GPRIN2: variants seen among roughly 807,000 people sequenced by gnomAD.
The protein encoded by GPRIN2 is G protein-regulated inducer of neurite outgrowth 2.
Under a neutral mutation model 0.3 loss-of-function variants are expected in GPRIN2, and 1 was observed. That is an observed-to-expected ratio of 3.90 (90% CI 1.39 to 18.51). The LOEUF (loss-of-function observed/expected upper bound fraction) is 18.51, where lower values mean the gene tolerates loss of function less well. GPRIN2 is among the 30% of genes most tolerant of loss of function. The probability of loss-of-function intolerance (pLI) is 0.11; values close to 1 mark genes in which losing one functional copy is unlikely to be tolerated. For synonymous variants in GPRIN2, 361 were observed against 258.6 expected, an observed-to-expected ratio of 1.40 and a Z score of -3.80; for missense variants, 880 against 604.2, an observed-to-expected ratio of 1.46 and a Z score of -4.79.
Position 46,548,959 on chromosome 10 carries a change from A to C in GPRIN2, c.*401T>G, listed in dbSNP as rs74129264. 4.3e-6 allele frequency: 1 copy of C among 233,214 alleles called. No homozygotes were observed. The highest frequency in any genetic ancestry group is 2.3e-5 in the African/African-American group (1 of 43,990). The allele number at this position is 233,214 out of a possible 1,614,324, so 14.4% of individuals were successfully genotyped here. ...CCCTGTCACTGGGGCCTCACATTTC[A>C]TGTCGAGAATTCACTATTTCTCAGC... is the stretch of plus-strand genomic sequence containing the variant. On this transcript the variant is annotated 3_prime_UTR_variant, in exon 3 of 3. Coordinates refer to ENST00000374314, the MANE Select transcript of GPRIN2 (RefSeq NM_001385282.1).
At chr10:46,551,756 C>T (rs958514523) in intron 2 of GPRIN2, among the ~76,000 whole-genome samples, 2 of 152,300 alleles carry the variant, frequency 1.3e-5, no homozygotes, top group Admixed American at 6.5e-5. Context: ...CAGCTGCAGC[C>T]TAGAGCCAGT....
rs2131621782 is a variant in GPRIN2 at position 46,542,320 on chromosome 10, C to G, written c.*7040G>C. Among the ~76,000 whole-genome samples the G allele has an allele frequency of 1.3e-4, 20 of 152,424 alleles. No individual in the cohort carries two copies. Among genetic ancestry groups the G allele is most frequent in the African/African-American group, 4.6e-4 (19 of 41,604 alleles). On this transcript the variant is annotated 3_prime_UTR_variant, in exon 3 of 3. Coordinates refer to ENST00000374314, the MANE Select transcript of GPRIN2 (RefSeq NM_001385282.1). ...AGGGTGATATGCTTTGGCTGTGTCC[C>G]CACCCAAAATCTCATCTTGAATTGT...
At chr10:46,551,176 C>T (rs1832207521) in intron 2 of GPRIN2, among the ~76,000 whole-genome samples, 12 of 152,414 alleles carry the variant, frequency 7.9e-5, no homozygotes, top group African/African-American at 2.9e-4. Flanking sequence ...GCACTATGGC[C>T]TCTTAACGGG....
At chr10:46,552,749 C>G (rs1842754237) in intron 2 of GPRIN2, among the ~76,000 whole-genome samples, 1 of 152,308 alleles carries the variant, frequency 6.6e-6, no homozygotes, top group African/African-American at 2.4e-5. Context: ...TTGAATCTAA[C>G]TGGCCACATG....
At position 46,543,777 on chromosome 10, in the gene GPRIN2, T is replaced by G. The variant is rs992260984; in HGVS notation, c.*5583A>C. ...GGATATCCACTTGGGGAGCTCGTAT[T>G]TTGGGGCCAGACCTTCCTCCTTGCT... On this transcript the variant is annotated 3_prime_UTR_variant, in exon 3 of 3. Transcript: ENST00000374314. 6.6e-6 allele frequency among the ~76,000 whole-genome samples: 1 copy of G among 152,310 alleles called. No homozygotes were observed. Among genetic ancestry groups the G allele is most frequent in the Admixed American group, 6.5e-5 (1 of 15,292 alleles).
Position 46,542,691 on chromosome 10 carries a change from T to C in GPRIN2, c.*6669A>G, listed in dbSNP as rs1250795057. On this transcript the variant is annotated 3_prime_UTR_variant, in exon 3 of 3. Transcript: ENST00000374314. Reference sequence around the variant, plus strand: ...ATAGCAGCATGAAAATGGACTAATATGGAGGGGTCAAAGACAGAAATCTCC... The same window carrying C: ...ATAGCAGCATGAAAATGGACTAATACGGAGGGGTCAAAGACAGAAATCTCC... 6.6e-6 allele frequency among the ~76,000 whole-genome samples: 1 copy of C among 152,312 alleles called. No individual in the cohort carries two copies. Among genetic ancestry groups the C allele is most frequent in the Non-Finnish European group, 1.5e-5 (1 of 68,058 alleles).
intron 2 of GPRIN2, among the ~76,000 whole-genome samples, chr10:46,552,843 G>A (rs1832088629): frequency 1.3e-5 from 2 of 152,424 alleles, no homozygotes; most frequent in East Asian, 3.8e-4. Context: ...CTGCTTCACG[G>A]GGCTGAAGCC....
Position 46,545,030 on chromosome 10 carries a change from GAGA to G in GPRIN2, c.*4327_*4329del, listed in dbSNP as rs1842031696. Among the ~76,000 whole-genome samples, 1 of 152,300 alleles carries G rather than the reference GAGA, an allele frequency of 6.6e-6. No individual in the cohort carries two copies. Among genetic ancestry groups the G allele is most frequent in the Non-Finnish European group, 1.5e-5 (1 of 68,056 alleles). ...ACCAGGCCAGGCCAGAATGAAAAAG[GAGA>G]AGGAATTTAACATGGGCAAATGCCA... is the stretch of plus-strand genomic sequence containing the variant. On this transcript the variant is annotated 3_prime_UTR_variant, in exon 3 of 3. Coordinates refer to ENST00000374314, the MANE Select transcript of GPRIN2 (RefSeq NM_001385282.1).
Position 46,546,348 on chromosome 10 carries a change from A to AG in GPRIN2, c.*3011dup, listed in dbSNP as rs144243017. The stretch of plus-strand genomic sequence containing the variant: ...AGCAGGGAGCCCCTGGAGCAGACAG[A>AG]GGGGGGATTCCTGCTGAGGCAAGGG... On this transcript the variant is annotated 3_prime_UTR_variant, in exon 3 of 3. Transcript: ENST00000374314. Among the ~76,000 whole-genome samples, 4,856 of 148,554 alleles carry AG rather than the reference A, an allele frequency of 0.033. No individual in the cohort carries two copies. Among genetic ancestry groups the AG allele is most frequent in the Non-Finnish European group, 0.051 (3,351 of 65,562 alleles).
intron 2 of GPRIN2, among the ~76,000 whole-genome samples, chr10:46,552,690 A>T (rs1842747116): frequency 6.6e-6 from 1 of 152,310 alleles, no homozygotes; most frequent in Admixed American, 6.5e-5. Flanking sequence ...GGTACCAAGC[A>T]CTCAGCAGGG....
intron 1 of GPRIN2, among the ~76,000 whole-genome samples, chr10:46,556,119 CA>C (rs1843187477): frequency 6.6e-6 from 1 of 152,290 alleles, no homozygotes; most frequent in Non-Finnish European, 1.5e-5. Context: ...TGATGCGGGA[CA>C]GGAGAAGCCA....
In GPRIN2 at chr10:46,544,650, G is replaced by C. The variant is rs1832978620; in HGVS notation, c.*4710C>G. Among the ~76,000 whole-genome samples, 3 of 152,424 alleles carry C rather than the reference G, an allele frequency of 2.0e-5. No homozygotes were observed. The highest frequency in any genetic ancestry group is 2.1e-4 in the South Asian group (1 of 4,834). Reference sequence around the variant, plus strand: ...AGTCCACACTTCTAAGCTTGCTGTTGCTCTCAGACTTGCAGAACAACCTAT... The same window carrying C: ...AGTCCACACTTCTAAGCTTGCTGTTCCTCTCAGACTTGCAGAACAACCTAT... On this transcript the variant is annotated 3_prime_UTR_variant, in exon 3 of 3. Transcript: ENST00000374314.
At position 46,547,956 on chromosome 10, in the gene GPRIN2, G is replaced by T. The variant is rs1025442771; in HGVS notation, c.*1404C>A. 4.6e-5 allele frequency among the ~76,000 whole-genome samples: 7 copies of T among 152,304 alleles called. No homozygotes were observed. Among genetic ancestry groups the T allele is most frequent in the Non-Finnish European group, 7.3e-5 (5 of 68,052 alleles). ...CTGCTTTACAAATTCACCAACTGTT[G>T]CATGAGTCATTTCCACCTCAATGAG... On this transcript the variant is annotated 3_prime_UTR_variant, in exon 3 of 3. Coordinates refer to ENST00000374314, the MANE Select transcript of GPRIN2 (RefSeq NM_001385282.1).
At position 46,545,692 on chromosome 10, in the gene GPRIN2, C is replaced by T. The variant is rs1163990585; in HGVS notation, c.*3668G>A. ...AGTGGGATGTGGGCTGTGATCACAG[C>T]CAAGCTGGCAGGGTAAGAGGTGGCC... On this transcript the variant is annotated 3_prime_UTR_variant, in exon 3 of 3. Transcript: ENST00000374314. 1.3e-5 allele frequency among the ~76,000 whole-genome samples: 2 copies of T among 152,312 alleles called. No homozygotes were observed. Among genetic ancestry groups the T allele is most frequent in the African/African-American group, 4.8e-5 (2 of 41,488 alleles).
rs1321018431 is a variant in GPRIN2 at position 46,553,109 on chromosome 10, A to G, written c.-7+1476T>C. 4.6e-5 allele frequency among the ~76,000 whole-genome samples: 7 copies of G among 152,430 alleles called. No homozygotes were observed. The East Asian group carries it at 1.3e-3, about 29-fold the overall frequency. ...GACAGTCATTATCTCCATTCTACAG[A>G]CAGGAGAATTCCATAAGCTCAGAGA... On this transcript the variant is annotated intron_variant, in intron 2 of 2. Coordinates refer to ENST00000374314, the MANE Select transcript of GPRIN2 (RefSeq NM_001385282.1).
At chr10:46,553,696 T>G (rs1842859520) in intron 2 of GPRIN2, among the ~76,000 whole-genome samples, 1 of 152,306 alleles carries the variant, frequency 6.6e-6, no homozygotes, top group Admixed American at 6.5e-5. Flanking sequence ...GCTATGTATC[T>G]ATTGGTTCCC....
chr10:46,550,883 C>T, intron 2 of GPRIN2, 141 bp from the exon 3 acceptor site: 2 of 911,958 alleles, frequency 2.2e-6, no homozygotes, highest in Non-Finnish European at 1.6e-6. Context: ...GAACCATATG[C>T]AAGGCAGTGA....
At position 46,549,382 on chromosome 10, in the gene GPRIN2, C is replaced by A. The variant is rs1832738216; in HGVS notation, c.1355G>T (p.Cys452Phe). Reference protein sequence around the residue: ...QSLRRPSCCGCSGAAPE With the variant: ...QSLRRPSCCGFSGAAPE ...TCCTCACTCGGGGGCCGCGCCGGAG[C>A]AGCCGCAGCAGCTGGGGCGCCGCAG... The change falls in exon 3 of 3, where the codon TGC (cysteine) becomes TTC (phenylalanine). Residue 452 changes from cysteine to phenylalanine, a missense_variant. Cys to Phe is a radical substitution (Grantham distance 205). Transcript: ENST00000374314. 1.3e-6 allele frequency: 2 copies of A among 1,487,306 alleles called. No homozygotes were observed. Among genetic ancestry groups the A allele is most frequent in the Non-Finnish European group, 8.9e-7 (1 of 1,121,198 alleles). The allele number at this position is 1,487,306 out of a possible 1,614,324, so 92.1% of individuals were successfully genotyped here.
rs897689056 is a variant in GPRIN2 at position 46,547,252 on chromosome 10, C to T, written c.*2108G>A. On this transcript the variant is annotated 3_prime_UTR_variant, in exon 3 of 3. Transcript: ENST00000374314. ...GCACGTGTATGAACCCAGCCCCCAG[C>T]TGCCCACTCCATTGCCCCTAAACAG... Among the ~76,000 whole-genome samples the T allele has an allele frequency of 3.9e-5, 6 of 152,304 alleles. No individual in the cohort carries two copies. Among genetic ancestry groups the T allele is most frequent in the African/African-American group, 1.4e-4 (6 of 41,484 alleles).
Sources: allele counts gnomAD v4.1 joint callset (sites outside exome capture counted in the v4.1 genomes callset), GRCh38; gene constraint gnomAD v4.1.1; transcripts MANE v1.5; gene names NCBI Gene and HGNC (gene_info 2026-07-23, HGNC 2026-07-21).